The following DCDC2 variants were observed in gnomAD, a reference collection of about 807,000 sequenced individuals.
The protein encoded by DCDC2 is doublecortin domain containing 2, also known as doublecortin domain-containing protein 2.
DCDC2 carries 40 observed loss-of-function variants against 50.2 expected under a neutral mutation model. The ratio of observed to expected loss-of-function variants is 0.80; its 90% confidence interval spans 0.62 to 1.04. The LOEUF (loss-of-function observed/expected upper bound fraction) is 1.04. Among genes scored for constraint, DCDC2 ranks in the 50% least tolerant of loss-of-function variants. The pLI is 0.00. For missense variants in DCDC2, 570 were observed against 581.9 expected (o/e 0.98, Z 0.21); for synonymous variants, 234 against 210.6 (o/e 1.11, Z -0.96).
the DCDC2 span, among the ~76,000 whole-genome samples, chr6:24,375,342 G>A: frequency 6.6e-6 from 1 of 152,094 alleles, no homozygotes; most frequent in Admixed American, 6.5e-5. Flanking sequence ...CACTCATATG[G>A]GGTGCTGCTC....
intron 2 of DCDC2, among the ~76,000 whole-genome samples, chr6:24,343,130 C>T (rs374947570): frequency 9.3e-5 from 14 of 150,346 alleles, no homozygotes; most frequent in African/African-American, 3.2e-4. Context: ...TCACTGCAAG[C>T]TCCGTCTCCC....
intron 7 of DCDC2, among the ~76,000 whole-genome samples, chr6:24,245,970 T>C (rs868741569): frequency 1.5e-4 from 23 of 152,284 alleles, no homozygotes; most frequent in Middle Eastern, 6.8e-3. Flanking sequence ...TTATTAGTGA[T>C]CTGAGAGGAT....
chr6:24,256,624 T>C (rs1156737998), intron 7 of DCDC2, among the ~76,000 whole-genome samples: 1 of 152,088 alleles, frequency 6.6e-6, no homozygotes, highest in Non-Finnish European at 1.5e-5. Flanking sequence ...AAAAGAAACA[T>C]TCATCAGAAA....
At position 24,278,089 on chromosome 6, in the gene DCDC2, A is replaced by C; in HGVS notation, c.882T>G (p.Asn294Lys). The C allele has an allele frequency of 6.2e-7, 1 of 1,613,308 alleles. No homozygotes were observed. Among genetic ancestry groups the C allele is most frequent in the Non-Finnish European group, 8.5e-7 (1 of 1,179,542 alleles). Reference sequence around the variant, plus strand: ...TTTCTTGTGAATTCTTTAATTTTACATTTTGTTTCAATTTCGTCAGTTTTT... The same window carrying C: ...TTTCTTGTGAATTCTTTAATTTTACCTTTTGTTTCAATTTCGTCAGTTTTT... The part of the protein sequence containing the change: ...NSEKLTKLKQ[N>K]VKLKNSQETI... Residue 294 changes from asparagine to lysine, a missense_variant, in exon 7 of 10, where the codon AAT becomes AAG. Asn to Lys is a moderately conservative substitution (Grantham distance 94). Coordinates refer to ENST00000378454, the MANE Select transcript of DCDC2 (RefSeq NM_016356.5).
chr6:24,246,933 G>C (rs936683138), intron 7 of DCDC2, among the ~76,000 whole-genome samples: 1 of 152,134 alleles, frequency 6.6e-6, no homozygotes, highest in Non-Finnish European at 1.5e-5. Context: ...GAACTGTTGT[G>C]AAATGAGTCC....
At chr6:24,305,828 G>T (rs983003527) in intron 2 of DCDC2, among the ~76,000 whole-genome samples, 1 of 152,088 alleles carries the variant, frequency 6.6e-6, no homozygotes, top group South Asian at 2.1e-4. Flanking sequence ...AGGAGTTCGA[G>T]ACCAGCCATG....
upstream of DCDC2, among the ~76,000 whole-genome samples, chr6:24,359,972 C>A (rs924137678): frequency 6.6e-6 from 1 of 152,172 alleles, no homozygotes; most frequent in African/African-American, 2.4e-5. Flanking sequence ...CCGACACTCG[C>A]GTGCTGGAGA....
At chr6:24,301,906 T>C (rs770262628) in intron 3 of DCDC2, 60 bp from the exon 4 acceptor site, 6 of 1,612,338 alleles carry the variant, frequency 3.7e-6, no homozygotes, top group Admixed American at 3.4e-5. Flanking sequence ...CAACACAAAT[T>C]CCAAACCAAA....
chr6:24,342,738 A>G (rs553225356), intron 2 of DCDC2, among the ~76,000 whole-genome samples: 2 of 152,128 alleles, frequency 1.3e-5, no homozygotes, highest in East Asian at 3.9e-4. Flanking sequence ...AAATTCACCA[A>G]TCTTCACACA....
At chr6:24,245,771 TAG>T (rs1358776306) in intron 7 of DCDC2, among the ~76,000 whole-genome samples, 1 of 152,108 alleles carries the variant, frequency 6.6e-6, no homozygotes, top group Admixed American at 6.5e-5. Context: ...TCAAAATGAT[TAG>T]AGAGATCAAA....
intron 7 of DCDC2, among the ~76,000 whole-genome samples, chr6:24,233,693 A>G (rs866102086): frequency 6.6e-6 from 1 of 152,202 alleles, no homozygotes; most frequent in African/African-American, 2.4e-5. Context: ...AGGAGCCAAA[A>G]AGAAGTTCAG....
At chr6:24,371,827 C>T in the DCDC2 span, among the ~76,000 whole-genome samples, 1 of 152,170 alleles carries the variant, frequency 6.6e-6, no homozygotes, top group Non-Finnish European at 1.5e-5. Context: ...TGAACAGACA[C>T]TTCTCAAAAG....
At chr6:24,296,187 T>A (rs1294423985) in intron 4 of DCDC2, among the ~76,000 whole-genome samples, 1 of 152,124 alleles carries the variant, frequency 6.6e-6, no homozygotes, top group Non-Finnish European at 1.5e-5. Flanking sequence ...CCTACTTCCA[T>A]CTGTTCTTCG....
chr6:24,240,079 T>C lies in DCDC2; in HGVS notation c.923-34977A>G, dbSNP rs1440791953. Among the ~76,000 whole-genome samples, 3 of 152,208 alleles carry C rather than the reference T, an allele frequency of 2.0e-5. No individual in the cohort carries two copies. The East Asian group carries it at 5.8e-4, about 29-fold the overall frequency. On this transcript the variant is annotated intron_variant, in intron 7 of 9. Coordinates refer to ENST00000378454, the MANE Select transcript of DCDC2 (RefSeq NM_016356.5). ...CAGGCAATGTAATATAGTTAAAATA[T>C]ATATTAAACTCACATCTAGCATTAT...
chr6:24,179,256 T>C (rs1009784053), intron 8 of DCDC2, among the ~76,000 whole-genome samples: 10 of 152,032 alleles, frequency 6.6e-5, no homozygotes, highest in Non-Finnish European at 1.5e-4. Flanking sequence ...GTAAGAATAA[T>C]AAATGCTGAG....
intron 7 of DCDC2, among the ~76,000 whole-genome samples, chr6:24,236,890 A>C (rs1208606429): frequency 6.6e-6 from 1 of 152,058 alleles, no homozygotes; most frequent in Non-Finnish European, 1.5e-5. Context: ...GGCACCTGTA[A>C]TCTGGCCACT....
intron 8 of DCDC2, among the ~76,000 whole-genome samples, chr6:24,179,693 G>A (rs929498112): frequency 5.6e-5 from 8 of 141,908 alleles, no homozygotes; most frequent in African/African-American, 1.6e-4. Context: ...GGTGGCTTAT[G>A]CCTGTAATCC....
At chr6:24,183,206 C>T (rs994260656) in intron 8 of DCDC2, among the ~76,000 whole-genome samples, 6 of 152,100 alleles carry the variant, frequency 3.9e-5, no homozygotes, top group African/African-American at 1.4e-4. Context: ...GAGGTTTGGA[C>T]CTGGTTGGTG....
chr6:24,373,588 C>T, the DCDC2 span, among the ~76,000 whole-genome samples: 1,416 of 152,192 alleles, frequency 9.3e-3, 25 homozygotes, highest in African/African-American at 0.031. Context: ...GTTATAGATA[C>T]GCATTCAGGA....
Sources: gnomAD v4.1 joint callset for allele counts (sites outside exome capture counted in the v4.1 genomes callset) on GRCh38, gnomAD v4.1.1 for gene constraint, MANE v1.5 for transcripts, NCBI Gene and HGNC (gene_info 2026-07-23, HGNC 2026-07-21) for gene names.